Variants in RAD51B observed in about 807,000 individuals in gnomAD.
RAD51B encodes DNA repair protein RAD51 homolog 2.
Under a neutral mutation model 42.2 loss-of-function variants are expected in RAD51B, and 38 were observed. The ratio of observed to expected loss-of-function variants is 0.90; its 90% CI spans 0.70 to 1.18. The LOEUF is 1.18. Ranked by LOEUF, RAD51B falls within the 50% of genes most tolerant of loss-of-function variation. The pLI, the probability that RAD51B is intolerant of heterozygous loss-of-function variation, is 0.00. For missense variants in RAD51B, 373 were observed against 400.7 expected (o/e 0.93, Z 0.59); for synonymous variants, 154 against 145.2 (o/e 1.06, Z -0.43).
At chr14:68,451,596 T>C (rs1422206009) in intron 9 of RAD51B, among the ~76,000 whole-genome samples, 2 of 152,240 alleles carry the variant, frequency 1.3e-5, no homozygotes, top group East Asian at 3.8e-4. Flanking sequence ...AAATCCTGTC[T>C]TGTGTTTTCT....
chr14:68,185,278 A>G (rs1321082108), intron 7 of RAD51B, among the ~76,000 whole-genome samples: 1 of 152,202 alleles, frequency 6.6e-6, no homozygotes, highest in African/African-American at 2.4e-5. Context: ...AAGTATTGCC[A>G]ACATGTTAGA....
At chr14:68,252,717 C>T (rs987363557) in intron 7 of RAD51B, among the ~76,000 whole-genome samples, 6 of 152,078 alleles carry the variant, frequency 3.9e-5, no homozygotes, top group Non-Finnish European at 7.4e-5. Flanking sequence ...ATTTAGGTGG[C>T]GTCTAATTTT....
intron 7 of RAD51B, among the ~76,000 whole-genome samples, chr14:68,156,121 T>A (rs911432382): frequency 1.3e-5 from 2 of 152,242 alleles, no homozygotes; most frequent in Admixed American, 6.5e-5. Flanking sequence ...TTGCTTTGCC[T>A]GCTCTGTCAG....
chr14:68,220,266 G>T (rs1020738401), intron 7 of RAD51B, among the ~76,000 whole-genome samples: 5 of 152,222 alleles, frequency 3.3e-5, no homozygotes, highest in African/African-American at 9.6e-5. Flanking sequence ...TATTTGAGGG[G>T]ATAATTGAGG....
rs150667273 is a variant in RAD51B at position 67,951,045 on chromosome 14, A to T, written c.756+63841A>T. Reference sequence around the variant, plus strand: ...CAAAGATTGCTGATCACAGATCATCATAACAGGTATGACAATAATGAAAAA... The same window carrying T: ...CAAAGATTGCTGATCACAGATCATCTTAACAGGTATGACAATAATGAAAAA... On this transcript the variant is annotated intron_variant, in intron 7 of 10. Transcript: ENST00000471583. 7.9e-5 allele frequency among the ~76,000 whole-genome samples: 12 copies of T among 152,326 alleles called. No homozygotes were observed. The East Asian group carries it at 2.3e-3, about 29-fold the overall frequency.
chr14:68,602,005 CT>C (rs1465490880), intron 10 of RAD51B, among the ~76,000 whole-genome samples: 1 of 152,104 alleles, frequency 6.6e-6, no homozygotes. Context: ...CTGTGCAAGC[CT>C]TATTGTCCCA....
chr14:68,654,959 G>C (rs371698302), intron 11 of RAD51B, among the ~76,000 whole-genome samples: 39 of 152,208 alleles, frequency 2.6e-4, no homozygotes, highest in African/African-American at 8.9e-4. Context: ...TGCCTTCCCA[G>C]GTAAGTTAGA....
At chr14:68,427,553 T>C (rs2084883217) in intron 9 of RAD51B, among the ~76,000 whole-genome samples, 1 of 152,234 alleles carries the variant, frequency 6.6e-6, no homozygotes, top group Non-Finnish European at 1.5e-5. Flanking sequence ...TACTCCTTTC[T>C]TTTTTATTTC....
At chr14:68,606,563 A>G (rs760716573) in intron 10 of RAD51B, among the ~76,000 whole-genome samples, 15 of 152,192 alleles carry the variant, frequency 9.9e-5, no homozygotes, top group Non-Finnish European at 2.1e-4. Context: ...CTGGAAAGGT[A>G]TGCCATGTTT....
chr14:68,198,215 A>T (rs2079412636), intron 7 of RAD51B, among the ~76,000 whole-genome samples: 1 of 151,956 alleles, frequency 6.6e-6, no homozygotes, highest in Non-Finnish European at 1.5e-5. Flanking sequence ...TTTTTATTAA[A>T]TTATCTTGGA....
intron 8 of RAD51B, among the ~76,000 whole-genome samples, chr14:68,336,236 G>A (rs964270893): frequency 1.6e-4 from 24 of 152,164 alleles, no homozygotes; most frequent in African/African-American, 4.8e-4. Context: ...TTATGGTTCT[G>A]CCATCTTTTG....
chr14:68,157,673 A>G (rs2078542286), intron 7 of RAD51B, among the ~76,000 whole-genome samples: 1 of 152,246 alleles, frequency 6.6e-6, no homozygotes, highest in Non-Finnish European at 1.5e-5. Context: ...TTTCAGAAGC[A>G]GCAATCCAGA....
At chr14:68,432,767 G>A (rs991124017) in intron 9 of RAD51B, among the ~76,000 whole-genome samples, 2 of 152,096 alleles carry the variant, frequency 1.3e-5, no homozygotes, top group African/African-American at 2.4e-5. Context: ...GGTTAATATT[G>A]TTATGTGTGA....
chr14:68,487,247 G>A (rs986694682), intron 10 of RAD51B, among the ~76,000 whole-genome samples: 1 of 152,206 alleles, frequency 6.6e-6, no homozygotes, highest in Non-Finnish European at 1.5e-5. Flanking sequence ...TGTCTTGCAG[G>A]TGGACGTCAT....
chr14:68,431,101 C>T (rs1300511516), intron 9 of RAD51B, among the ~76,000 whole-genome samples: 1 of 152,036 alleles, frequency 6.6e-6, no homozygotes, highest in East Asian at 1.9e-4. Context: ...GGGATGAAGC[C>T]CACTTGATCA....
intron 10 of RAD51B, among the ~76,000 whole-genome samples, chr14:68,549,635 C>T (rs1018601609): frequency 1.3e-5 from 2 of 151,058 alleles, no homozygotes; most frequent in African/African-American, 4.9e-5. Context: ...AGGATGGTCT[C>T]GATCTCCTGA....
intron 10 of RAD51B, among the ~76,000 whole-genome samples, chr14:68,603,144 C>G (rs1268234746): frequency 1.3e-5 from 2 of 152,198 alleles, no homozygotes; most frequent in Non-Finnish European, 2.9e-5. Context: ...TCAGACATCT[C>G]TAATCCCCCA....
chr14:68,283,964 G>A (rs2139635787), intron 7 of RAD51B, among the ~76,000 whole-genome samples: 1 of 152,372 alleles, frequency 6.6e-6, no homozygotes, highest in East Asian at 1.9e-4. Context: ...TAGCACGGAA[G>A]CACTACTTGC....
chr14:68,365,403 A>G (rs977210407), intron 8 of RAD51B, among the ~76,000 whole-genome samples: 2 of 152,266 alleles, frequency 1.3e-5, no homozygotes, highest in African/African-American at 4.8e-5. Context: ...TGCTGAAGGC[A>G]GTCCCACCTC....
Sources: allele counts gnomAD v4.1 joint callset (sites outside exome capture counted in the v4.1 genomes callset), GRCh38; gene constraint gnomAD v4.1.1; transcripts MANE v1.5; gene names NCBI Gene and HGNC (gene_info 2026-07-23, HGNC 2026-07-21).